Variants in AGRN observed in about 807,000 individuals in gnomAD.
The protein encoded by AGRN is agrin.
A neutral mutation model predicts 211.0 loss-of-function variants in AGRN; 106 were observed. That is an observed-to-expected ratio of 0.50 (90% CI 0.43 to 0.59). AGRN has a LOEUF of 0.59. AGRN is among the 20% of genes least tolerant of loss of function. The probability of loss-of-function intolerance (pLI) is 0.00; values close to 1 mark genes in which losing one functional copy is unlikely to be tolerated. For synonymous variants in AGRN, 1,525 were observed against 1,332.5 expected (o/e 1.14, Z -3.15); for missense variants, 3,040 against 2,982.6 (o/e 1.02, Z -0.45).
chr1:1,030,100 CATGT>C (rs1215366386), intron 2 of AGRN, among the ~76,000 whole-genome samples: 14 of 32,106 alleles, frequency 4.4e-4, no homozygotes, highest in South Asian at 1.6e-3. Context: ...GTGAGATCAG[CATGT>C]GTGTGTGTGT....
Position 1,040,826 on chromosome 1 carries a change from C to A in AGRN, c.673C>A (p.Arg225=), listed in dbSNP as rs1332995696. ...STYSNECELQ[R]AQCSQQRRIR... is the part of the protein sequence containing the mutation. ...CTACAGCAACGAATGCGAGCTGCAG[C>A]GGGCGCAGTGCAGCCAGCAGCGCCG... The change falls in exon 4 of 36, where the codon CGG becomes AGG. Residue 225 remains arginine, a synonymous_variant. Coordinates refer to ENST00000379370, the MANE Select transcript of AGRN (RefSeq NM_198576.4). 2 of 1,536,426 alleles carry A rather than the reference C, an allele frequency of 1.3e-6. No homozygotes were observed. Among genetic ancestry groups the A allele is most frequent in the Non-Finnish European group, 1.7e-6 (2 of 1,147,356 alleles).
rs559038242 is a variant in AGRN at position 1,051,087 on chromosome 1, C to T, written c.5254-166C>T. The T allele has an allele frequency of 6.1e-4, 943 of 1,548,210 alleles. 13 individuals carry two copies. In the South Asian group the frequency reaches 0.011, roughly 18 times the overall value. ...CCGCTCACCGTCTCTGGCGCCTCAACCCCTAGGGTAGCTCCTCCCCCACTA... is the reference window on the plus strand; with the variant it reads ...CCGCTCACCGTCTCTGGCGCCTCAATCCCTAGGGTAGCTCCTCCCCCACTA... On this transcript the variant is annotated intron_variant, in intron 30 of 35. Transcript: ENST00000379370.
chr1:1,046,639 C>A lies in AGRN; in HGVS notation c.3154C>A (p.Leu1052Met). Residue 1052 changes from leucine to methionine, a missense_variant, in exon 18 of 36, where the codon CTG (leucine) becomes ATG (methionine). Leu to Met is a conservative substitution (Grantham distance 15, BLOSUM62 2). Around this residue, in one of 3 missense-constraint regions of AGRN, gnomAD observed 1,537 missense variants for 1,505.0 expected, o/e 1.02. Transcript: ENST00000379370. The part of the protein sequence containing the change: ...PPTAPSPAPS[L>M]VASAFGESGS... ...CACGGCACCCTCCCCTGCACCCAGC[C>A]TGGTGGCGTCCGCCTTTGGTGAATC... The A allele has an allele frequency of 1.3e-6, 2 of 1,598,796 alleles. No homozygotes were observed. The highest frequency in any genetic ancestry group is 8.5e-7 in the Non-Finnish European group (1 of 1,177,822).
rs1487632030 is a variant in AGRN at position 1,051,385 on chromosome 1, G to A, written c.5370+16G>A. 1.9e-6 allele frequency: 3 copies of A among 1,555,572 alleles called. No homozygotes were observed. The highest frequency in any genetic ancestry group is 1.9e-5 in the Admixed American group (1 of 52,088). On this transcript the variant is annotated intron_variant, in intron 31 of 35. Transcript: ENST00000379370. ...CATCCAGCTGGTATGTGGGGGCGGG[G>A]CGTCCCAGCAGGGCCTCCGGGGCGG...
At chr1:1,043,158 G>A in intron 7 of AGRN, 81 bp from the exon 8 acceptor site, 3 of 1,444,422 alleles carry the variant, frequency 2.1e-6, no homozygotes, top group Middle Eastern at 1.8e-4. Flanking sequence ...CCTGGAAGAG[G>A]GACTGCTGCG....
intron 6 of AGRN, 40 bp downstream of exon 6, chr1:1,041,742 G>C: frequency 6.5e-7 from 1 of 1,535,126 alleles, no homozygotes; most frequent in Non-Finnish European, 8.8e-7. Context: ...GCCAGTGCCA[G>C]GGTCGAGGTG....
At chr1:1,046,123 G>A (rs754051831) in intron 16 of AGRN, 35 bp downstream of exon 16, 4 of 1,613,960 alleles carry the variant, frequency 2.5e-6, no homozygotes, top group South Asian at 1.1e-5. Flanking sequence ...GAGTGGGGAG[G>A]AGGCCTCGCC....
At position 1,033,154 on chromosome 1, in the gene AGRN, G is replaced by C. The variant is rs541092407; in HGVS notation, c.464-2123G>C. Among the ~76,000 whole-genome samples the C allele has an allele frequency of 1.6e-4, 25 of 152,168 alleles. No individual in the cohort carries two copies. The East Asian group carries it at 2.1e-3, about 13-fold the overall frequency. On this transcript the variant is annotated intron_variant, in intron 2 of 35. Coordinates refer to ENST00000379370, the MANE Select transcript of AGRN (RefSeq NM_198576.4). ...CCGCAGGGAGTCCCCGCCGCAATTT[G>C]CATGGGGCTCATTTGCATGACCCCG...
In AGRN at chr1:1,047,622, T is replaced by G; in HGVS notation, c.3566T>G (p.Val1189Gly). The G allele has an allele frequency of 6.2e-7, 1 of 1,613,056 alleles. No homozygotes were observed. The change falls in exon 21 of 36, where the codon GTC (valine) becomes GGC (glycine). Residue 1189 changes from valine (V) to glycine (G), a missense_variant. Physicochemically the swap from Val to Gly is moderately radical, Grantham distance 109. Coordinates refer to ENST00000379370, the MANE Select transcript of AGRN (RefSeq NM_198576.4). The part of the protein sequence containing the change: ...NSDVKKDFRS[V>G]RLRDLGPGKS... ...GACGTCAAGAAGGATTTTCGGAGTG[T>G]CCGCTTGCGGGACCTGGGGCCCGGC...
chr1:1,035,751 G>T (rs1480784032), intron 3 of AGRN, among the ~76,000 whole-genome samples: 1 of 152,128 alleles, frequency 6.6e-6, no homozygotes, highest in Non-Finnish European at 1.5e-5. Context: ...GCTGAGCTGG[G>T]GGAGGGCCCT....
intron 2 of AGRN, among the ~76,000 whole-genome samples, chr1:1,029,408 TGGG>T (rs1207860041): frequency 1.2e-5 from 1 of 81,280 alleles, no homozygotes; most frequent in Non-Finnish European, 2.3e-5. Context: ...TGCAGGCAGG[TGGG>T]GGGGACATCA....
intron 3 of AGRN, 34 bp from the exon 4 acceptor site, chr1:1,040,631 C>T (rs1478660594): frequency 1.3e-6 from 2 of 1,545,472 alleles, no homozygotes; most frequent in East Asian, 2.5e-5. Flanking sequence ...ACGGGCGTCT[C>T]GGCACCCTGA....
Position 1,042,031 on chromosome 1 carries a change from G to T in AGRN, c.1253G>T (p.Arg418Leu), listed in dbSNP as rs1454816000. 1 of 1,610,200 alleles carries T rather than the reference G, an allele frequency of 6.2e-7. No homozygotes were observed. The highest frequency in any genetic ancestry group is 8.5e-7 in the Non-Finnish European group (1 of 1,179,636). Residue 418 changes from arginine to leucine, a missense_variant, in exon 7 of 36, where the codon CGC becomes CTC. Physicochemically the swap from Arg to Leu is moderately radical, Grantham distance 102. Transcript: ENST00000379370. ...GGCCGTCCCCGCTGCTCCTGCGACC[G>T]CGTCACCTGTGACGGGGCCTACAGG... ...RRGRPRCSCD[R>L]VTCDGAYRPV...
intron 2 of AGRN, chr1:1,034,853 A>C: frequency 2.4e-6 from 1 of 421,354 alleles, no homozygotes. Context: ...CGGTCCCTGG[A>C]GGCCGTCCTT....
rs1262718036 is a variant in AGRN, at chr1:1,048,233, G to A, written c.3973G>A (p.Ala1325Thr). The change falls in exon 23 of 36, where the codon GCC (alanine) becomes ACC (threonine). Residue 1325 changes from alanine (A) to threonine (T), a missense_variant. This residue lies in a region of AGRN where 1,537 missense variants were observed against 1,505.0 expected (regional missense o/e 1.02). Coordinates refer to ENST00000379370, the MANE Select transcript of AGRN (RefSeq NM_198576.4). The surrounding 1 kb of genome is among the most constrained non-coding windows in gnomAD (Gnocchi z 5.9). ...CCGTGTGCCCGGACGTCGGCCCCCG[G>A]CCCCCCAGCAGCCTCCAAAGCCCTG... Reference protein sequence around the residue: ...PSRVPGRRPPAPQQPPKPCDS... With the variant: ...PSRVPGRRPPTPQQPPKPCDS... 2 of 1,544,976 alleles carry A rather than the reference G, an allele frequency of 1.3e-6. No individual in the cohort carries two copies. Among genetic ancestry groups the A allele is most frequent in the Non-Finnish European group, 1.7e-6 (2 of 1,144,454 alleles).
chr1:1,025,773 G>C (rs1424877353), intron 2 of AGRN, among the ~76,000 whole-genome samples: 9 of 151,962 alleles, frequency 5.9e-5, no homozygotes, highest in Admixed American at 5.9e-4. Context: ...ACTCACCTCT[G>C]TGTCTCCCCA....
chr1:1,047,279 G>T, intron 19 of AGRN, 48 bp from the exon 20 acceptor site: 1 of 1,555,602 alleles, frequency 6.4e-7, no homozygotes, highest in Admixed American at 2.0e-5. Flanking sequence ...GGGCCAGCCT[G>T]GATGCCAGGC....
Position 1,054,563 on chromosome 1 carries a change from G to A in AGRN, c.5980+12G>A, listed in dbSNP as rs1432697759. 6.3e-7 allele frequency: 1 copy of A among 1,577,864 alleles called. No homozygotes were observed. The highest frequency in any genetic ancestry group is 1.3e-5 in the African/African-American group (1 of 74,300). ...AGCCCTGTGGCTTGGTGAGTGTTTT[G>A]GGGAGACTAGAGAGGGATGCCCAAG... is the stretch of plus-strand genomic sequence containing the variant. On this transcript the variant is annotated intron_variant, in intron 35 of 35. Transcript: ENST00000379370.
rs773983766 is a variant in AGRN, at chr1:1,045,469, C to T, written c.2482C>T (p.Pro828Ser). Residue 828 changes from proline to serine, a missense_variant, in exon 14 of 36, where the codon CCT becomes TCT. Pro to Ser is a moderately conservative substitution (Grantham distance 74, BLOSUM62 -1). This residue lies in a region of AGRN where 1,498 missense variants were observed against 1,457.8 expected (regional missense o/e 1.03). Coordinates refer to ENST00000379370, the MANE Select transcript of AGRN (RefSeq NM_198576.4). ...VGGLRCDRCE[P>S]GFWNFRGIVT... ...GGGCCTCAGGTGTGACCGCTGTGAG[C>T]CTGGCTTCTGGAACTTTCGAGGCAT... The T allele has an allele frequency of 9.9e-6, 16 of 1,612,800 alleles. No individual in the cohort carries two copies. The highest frequency in any genetic ancestry group is 1.3e-5 in the African/African-American group (1 of 74,930).
Sources: gnomAD v4.1 joint callset for allele counts (sites outside exome capture counted in the v4.1 genomes callset) on GRCh38, gnomAD v4.1.1 for gene constraint, gnomAD v4.1.1 regional missense constraint, Gnocchi (gnomAD v3.1) non-coding constraint, MANE v1.5 for transcripts, NCBI Gene and HGNC (gene_info 2026-07-23, HGNC 2026-07-21) for gene names.